TRRAP: variants seen among roughly 807,000 people sequenced by gnomAD.
TRRAP encodes the protein transformation/transcription domain-associated protein.
Under a neutral mutation model 438.8 loss-of-function variants are expected in TRRAP, and 41 were observed. The ratio of observed to expected loss-of-function variants is 0.09; its 90% CI spans 0.07 to 0.12. The LOEUF is 0.12. TRRAP is among the 10% of genes least tolerant of loss of function. The probability of loss-of-function intolerance (pLI) is 1.00; values close to 1 mark genes in which losing one functional copy is unlikely to be tolerated. For synonymous variants in TRRAP, 1,994 were observed against 1,962.9 expected (o/e 1.02, Z -0.42); for missense variants, 3,122 against 5,055.1 (o/e 0.62, Z 11.60).
At chr7:98,967,739 TG>T (rs1348786245) in intron 51 of TRRAP, 41 bp downstream of exon 51, 1 of 1,586,698 alleles carries the variant, frequency 6.3e-7, no homozygotes. Flanking sequence ...GGGGCAGCTG[TG>T]GGTTTTCTGA....
Position 98,952,567 on chromosome 7 carries a change from C to T in TRRAP, c.5464-600C>T, listed in dbSNP as rs55984537. Among the ~76,000 whole-genome samples the T allele has an allele frequency of 3.1e-3, 472 of 152,262 alleles. 2 individuals carry two copies. Among genetic ancestry groups the T allele is most frequent in the African/African-American group, 0.011 (460 of 41,546 alleles). On this transcript the variant is annotated intron_variant, in intron 39 of 72. Coordinates refer to ENST00000456197, the MANE Select transcript of TRRAP (RefSeq NM_001375524.1). Reference sequence around the variant, plus strand: ...TTTGTAAACCAAAAAGTATCTGAGACGGATCTCAATCAATTTAGAAATTTA... The same window carrying T: ...TTTGTAAACCAAAAAGTATCTGAGATGGATCTCAATCAATTTAGAAATTTA...
intron 3 of TRRAP, among the ~76,000 whole-genome samples, chr7:98,882,690 C>G (rs1451593163): frequency 6.7e-6 from 1 of 150,108 alleles, no homozygotes; most frequent in Non-Finnish European, 1.5e-5. Flanking sequence ...GAGGCAGAGT[C>G]TGGCTGTGTC....
intron 67 of TRRAP, among the ~76,000 whole-genome samples, chr7:98,997,063 T>A (rs1793695540): frequency 6.6e-6 from 1 of 152,040 alleles, no homozygotes; most frequent in Non-Finnish European, 1.5e-5. Context: ...CCCAGCACTT[T>A]CAGAGGCCGA....
Position 98,910,037 on chromosome 7 carries a change from G to A in TRRAP, c.1351-19G>A. 1 of 1,534,662 alleles carries A rather than the reference G, an allele frequency of 6.5e-7. No individual in the cohort carries two copies. Among genetic ancestry groups the A allele is most frequent in the Non-Finnish European group, 8.8e-7 (1 of 1,140,010 alleles). On this transcript the variant is annotated intron_variant, in intron 14 of 72. Coordinates refer to ENST00000456197, the MANE Select transcript of TRRAP (RefSeq NM_001375524.1). ...GAAGAATAATTCTGTCTTCCCTCTT[G>A]AATTTCTCTTCCCGTTAGGTTTTCG...
At position 98,908,929 on chromosome 7, in the gene TRRAP, C is replaced by G. The variant is rs1397425872; in HGVS notation, c.1317C>G (p.Gly439=). The change falls in exon 14 of 73, where the codon GGC becomes GGG. Residue 439 remains glycine, a synonymous_variant. Coordinates refer to ENST00000456197, the MANE Select transcript of TRRAP (RefSeq NM_001375524.1). This position sits in a 1 kb window ranked among gnomAD's most constrained non-coding sequence, Gnocchi z 4.1. The part of the protein sequence containing the change: ...CIRSKSEQES[G]NGRDVLMRML... Reference sequence around the variant, plus strand: ...GTTCCAAGAGCGAGCAGGAGAGTGGCAATGGGAGAGACGTCCTGATGCGGA... The same window carrying G: ...GTTCCAAGAGCGAGCAGGAGAGTGGGAATGGGAGAGACGTCCTGATGCGGA... 9 of 1,613,660 alleles carry G rather than the reference C, an allele frequency of 5.6e-6. No individual in the cohort carries two copies. Among genetic ancestry groups the G allele is most frequent in the Non-Finnish European group, 7.6e-6 (9 of 1,179,912 alleles).
chr7:98,999,333 T>C (rs1189899318), intron 67 of TRRAP: 3 of 1,401,564 alleles, frequency 2.1e-6, no homozygotes, highest in Non-Finnish European at 2.0e-6. Context: ...GTCCAAGATT[T>C]CCTGGATCAG....
chr7:98,978,036 CAG>C (rs955050484), intron 56 of TRRAP, among the ~76,000 whole-genome samples, 173 bp from the exon 57 acceptor site: 1 of 152,190 alleles, frequency 6.6e-6, no homozygotes, highest in Admixed American at 6.5e-5. Context: ...CCCAGCTACT[CAG>C]GGAGTCTGAG....
chr7:98,960,330 C>T (rs560767691), intron 45 of TRRAP, among the ~76,000 whole-genome samples: 1 of 152,230 alleles, frequency 6.6e-6, no homozygotes, highest in East Asian at 1.9e-4. Context: ...GCCTTATCCA[C>T]ATTTGGTTTT....
intron 26 of TRRAP, 116 bp from the exon 27 acceptor site, chr7:98,933,125 T>C: frequency 7.3e-7 from 1 of 1,362,634 alleles, no homozygotes; most frequent in South Asian, 1.6e-5. Context: ...TCCCGTTCCC[T>C]AATGAGAAGA....
chr7:98,954,619 C>T (rs1169213112), intron 40 of TRRAP, among the ~76,000 whole-genome samples: 1 of 152,232 alleles, frequency 6.6e-6, no homozygotes, highest in Admixed American at 6.5e-5. Context: ...CAGCTTCTAA[C>T]ACCCACCCCG....
At chr7:98,882,849 G>A (rs969451322) in intron 3 of TRRAP, among the ~76,000 whole-genome samples, 5 of 152,130 alleles carry the variant, frequency 3.3e-5, no homozygotes, top group South Asian at 2.1e-4. Flanking sequence ...AGTAGAGACC[G>A]GGTTTCACCA....
In TRRAP at chr7:98,896,163, G is replaced by A. The variant is rs561168562; in HGVS notation, c.507+343G>A. Among the ~76,000 whole-genome samples, 8 of 152,176 alleles carry A rather than the reference G, an allele frequency of 5.3e-5. No individual in the cohort carries two copies. In the South Asian group the frequency reaches 6.2e-4, roughly 12 times the overall value. ...TTTTCACTTTGTGCATTTTAAAGAC[G>A]GTTGAGTTTACAGGCTCGAAGACTT... On this transcript the variant is annotated intron_variant, in intron 7 of 72. Coordinates refer to ENST00000456197, the MANE Select transcript of TRRAP (RefSeq NM_001375524.1).
At chr7:98,964,557 A>G in intron 47 of TRRAP, 72 bp from the exon 48 acceptor site, 6 of 1,549,008 alleles carry the variant, frequency 3.9e-6, no homozygotes, top group South Asian at 3.6e-5. Flanking sequence ...GTTTTGAATA[A>G]TGTGTTGCTT....
chr7:98,925,459 G>A (rs1343920745), intron 22 of TRRAP, among the ~76,000 whole-genome samples, 196 bp downstream of exon 22: 11 of 152,154 alleles, frequency 7.2e-5, no homozygotes, highest in African/African-American at 2.4e-4. Context: ...GAATTAGAAG[G>A]GATCACAGTT....
rs781997034 is a variant in TRRAP, at chr7:98,911,987, GA to G, written c.2008-34del. 11 of 1,585,854 alleles carry G rather than the reference GA, an allele frequency of 6.9e-6. No homozygotes were observed. In the African/African-American group the frequency reaches 1.2e-4, roughly 17 times the overall value. On this transcript the variant is annotated intron_variant, in intron 17 of 72. Coordinates refer to ENST00000456197, the MANE Select transcript of TRRAP (RefSeq NM_001375524.1). ...TGTCTTAAAACTGCTTTGGGGAAGG[GA>G]TTAATTTTTCACATGTGTTTCTTGT...
intron 24 of TRRAP, among the ~76,000 whole-genome samples, 199 bp downstream of exon 24, chr7:98,930,405 C>T (rs1486313045): frequency 6.6e-6 from 1 of 152,040 alleles, no homozygotes; most frequent in Non-Finnish European, 1.5e-5. Flanking sequence ...GGAGAAACCC[C>T]GTCTCTACTA....
chr7:98,897,933 A>T, intron 8 of TRRAP, 67 bp downstream of exon 8: 2 of 1,575,420 alleles, frequency 1.3e-6, no homozygotes, highest in Admixed American at 1.8e-5. Context: ...CTGTTAAACC[A>T]TTTTTTTTTC....
chr7:98,970,146 T>C lies in TRRAP; in HGVS notation c.7547T>C (p.Ile2516Thr), dbSNP rs746038433. 6.2e-7 allele frequency: 1 copy of C among 1,613,878 alleles called. No homozygotes were observed. Among genetic ancestry groups the C allele is most frequent in the Non-Finnish European group, 8.5e-7 (1 of 1,179,982 alleles). Residue 2516 changes from isoleucine (I) to threonine (T), a missense_variant, in exon 52 of 73, where the codon ATT becomes ACT. Around this residue, in one of 24 missense-constraint regions of TRRAP, gnomAD observed 992 missense variants for 1,281.2 expected, o/e 0.77. Transcript: ENST00000456197. ...LLAVCEKSTPIGTSCQGAMLP... is the reference protein window; with the variant it reads ...LLAVCEKSTPTGTSCQGAMLP... ...GCCGTGTGTGAGAAGAGCACCCCCATTGGCACCAGCTGCCAAGGAGCCATG... is the reference window on the plus strand; with the variant it reads ...GCCGTGTGTGAGAAGAGCACCCCCACTGGCACCAGCTGCCAAGGAGCCATG...
intron 45 of TRRAP, among the ~76,000 whole-genome samples, 165 bp from the exon 46 acceptor site, chr7:98,961,096 A>T (rs1189056075): frequency 6.6e-6 from 1 of 152,220 alleles, no homozygotes; most frequent in Admixed American, 6.5e-5. Context: ...GTGATTTTAT[A>T]AAGTAATCAT....
Sources: allele counts gnomAD v4.1 joint callset (sites outside exome capture counted in the v4.1 genomes callset), GRCh38; gene constraint gnomAD v4.1.1; regional missense constraint gnomAD v4.1.1; non-coding constraint Gnocchi (gnomAD v3.1); transcripts MANE v1.5; gene names NCBI Gene and HGNC (gene_info 2026-07-23, HGNC 2026-07-21).